Variants in ACACA observed in about 807,000 individuals in gnomAD.
The protein encoded by ACACA is acetyl-CoA carboxylase alpha.
Under a neutral mutation model 296.1 loss-of-function variants are expected in ACACA, and 103 were observed. The ratio of observed to expected loss-of-function variants is 0.35; its 90% CI spans 0.30 to 0.41. The LOEUF (loss-of-function observed/expected upper bound fraction) is 0.41, where lower values mean the gene tolerates loss of function less well. Among genes scored for constraint, ACACA ranks in the 10% least tolerant of loss-of-function variants. The pLI is 1.00. For missense variants in ACACA, 1,554 were observed against 2,989.7 expected (o/e 0.52, Z 11.20); for synonymous variants, 953 against 1,038.6 (o/e 0.92, Z 1.58).
chr17:37,251,515 G>C (rs1474064042), intron 16 of ACACA, among the ~76,000 whole-genome samples: 1 of 152,210 alleles, frequency 6.6e-6, no homozygotes, highest in Non-Finnish European at 1.5e-5. Context: ...CTCAAAGGCA[G>C]AGCTTAGTCT....
chr17:37,388,944 G>C (rs2147788947), intron 1 of ACACA: 1 of 1,104,648 alleles, frequency 9.1e-7, no homozygotes, highest in Non-Finnish European at 1.3e-6. Context: ...TGTTGGGAAA[G>C]TTGCTTGACT....
chr17:37,116,730 A>G (rs2074274147), intron 50 of ACACA, among the ~76,000 whole-genome samples: 1 of 152,208 alleles, frequency 6.6e-6, no homozygotes, highest in African/African-American at 2.4e-5. Context: ...GCCCCAAACC[A>G]CTTATTTTGA....
intron 30 of ACACA, 42 bp downstream of exon 30, chr17:37,210,425 T>C (rs774593282): frequency 1.1e-5 from 17 of 1,578,932 alleles, no homozygotes; most frequent in Non-Finnish European, 1.3e-5. Flanking sequence ...CTAAGTTACA[T>C]AAAGGTGCTT....
chr17:37,248,118 C>G lies in ACACA; in HGVS notation c.2202G>C (p.Met734Ile). 1 of 1,614,190 alleles carries G rather than the reference C, an allele frequency of 6.2e-7. No individual in the cohort carries two copies. Among genetic ancestry groups the G allele is most frequent in the Non-Finnish European group, 8.5e-7 (1 of 1,180,032 alleles). Reference protein sequence around the residue: ...RQSPNSYVVIMNGSCVEVDVH... With the variant: ...RQSPNSYVVIINGSCVEVDVH... ...CATCTACTTCTACACATGAGCCATT[C>G]ATGATCACCACATAGGAGTTGGGGG... The change falls in exon 18 of 56, where the codon ATG becomes ATC. Residue 734 changes from methionine (M) to isoleucine (I), a missense_variant. Transcript: ENST00000616317.
chr17:37,276,907 T>C (rs559432493), intron 7 of ACACA, 126 bp downstream of exon 7: 3 of 839,688 alleles, frequency 3.6e-6, no homozygotes, highest in Admixed American at 1.8e-5. Context: ...TAGTAATAGA[T>C]TGAGGGAAAA....
chr17:37,243,790 A>G (rs960018696), intron 21 of ACACA, among the ~76,000 whole-genome samples: 3 of 152,190 alleles, frequency 2.0e-5, no homozygotes, highest in Non-Finnish European at 4.4e-5. Context: ...AAATCCACAT[A>G]TAAGTGGACC....
In ACACA at chr17:37,323,011, G is replaced by C. The variant is rs146982958; in HGVS notation, c.338+7162C>G. Among the ~76,000 whole-genome samples the C allele has an allele frequency of 4.2e-3, 634 of 152,382 alleles. 6 individuals are homozygous for C. The highest frequency in any genetic ancestry group is 7.2e-3 in the Non-Finnish European group (488 of 68,048). ...GCTGTCACACTGGCCCTCTGCCCTT[G>C]CAATAAGGCAGATGGTCTATTGAGC... is the stretch of plus-strand genomic sequence containing the variant. On this transcript the variant is annotated intron_variant, in intron 3 of 55. Transcript: ENST00000616317.
chr17:37,174,664 C>G (rs1377371863), intron 41 of ACACA, among the ~76,000 whole-genome samples: 1 of 151,952 alleles, frequency 6.6e-6, no homozygotes, highest in Non-Finnish European at 1.5e-5. Context: ...TGCCAAGTAG[C>G]TGGGACTACA....
At chr17:37,368,970 AC>A (rs1159534231) in intron 1 of ACACA, among the ~76,000 whole-genome samples, 12 of 152,208 alleles carry the variant, frequency 7.9e-5, no homozygotes, top group African/African-American at 2.9e-4. Context: ...CTGGATTTAT[AC>A]CCTGGAGAAA....
At chr17:37,253,271 A>C (rs2081076784) in intron 14 of ACACA, among the ~76,000 whole-genome samples, 1 of 152,108 alleles carries the variant, frequency 6.6e-6, no homozygotes, top group South Asian at 2.1e-4. Context: ...GGGCGCCTGT[A>C]GTCCCAGCTA....
At chr17:37,342,150 T>G (rs1011013870) in intron 1 of ACACA, among the ~76,000 whole-genome samples, 1 of 151,908 alleles carries the variant, frequency 6.6e-6, no homozygotes, top group African/African-American at 2.4e-5. Context: ...GGCTCACACC[T>G]GTAATCCCAG....
At chr17:37,093,968 T>A (rs1232181808) in intron 54 of ACACA, among the ~76,000 whole-genome samples, 1 of 152,218 alleles carries the variant, frequency 6.6e-6, no homozygotes, top group Non-Finnish European at 1.5e-5. Context: ...ATTCTCATTG[T>A]TCCATGCAGA....
chr17:37,155,620 A>AAAAAAT, intron 43 of ACACA, 63 bp downstream of exon 43: 1 of 1,153,240 alleles, frequency 8.7e-7, no homozygotes, highest in Admixed American at 1.7e-5. Context: ...ACAATATGGA[A>AAAAAAT]AAAAATACCA....
chr17:37,169,905 C>T (rs997747503), intron 41 of ACACA, among the ~76,000 whole-genome samples: 4 of 152,014 alleles, frequency 2.6e-5, no homozygotes, highest in African/African-American at 9.7e-5. Context: ...CCCTGTAGCC[C>T]GCATGTAAGT....
intron 16 of ACACA, among the ~76,000 whole-genome samples, chr17:37,251,511 G>A (rs917014470): frequency 6.6e-6 from 1 of 152,198 alleles, no homozygotes; most frequent in Non-Finnish European, 1.5e-5. Context: ...GGGACTCAAA[G>A]GCAGAGCTTA....
At chr17:37,199,458 C>G (rs2078150252) in intron 35 of ACACA, among the ~76,000 whole-genome samples, 1 of 152,108 alleles carries the variant, frequency 6.6e-6, no homozygotes, top group Non-Finnish European at 1.5e-5. Flanking sequence ...AGGCTATTAA[C>G]TTAATTCTCT....
At chr17:37,277,200 T>C in intron 6 of ACACA, 86 bp from the exon 7 acceptor site, 1 of 1,195,816 alleles carries the variant, frequency 8.4e-7, no homozygotes, top group South Asian at 1.2e-5. Flanking sequence ...GCTGGCCCTG[T>C]TTCTTGAGGT....
chr17:37,352,649 G>A (rs759435658), intron 1 of ACACA, among the ~76,000 whole-genome samples: 82 of 151,972 alleles, frequency 5.4e-4, no homozygotes, highest in Non-Finnish European at 2.6e-4. Context: ...AGCCTGACAG[G>A]TTGAGGCTGC....
chr17:37,353,546 G>A (rs1221031658), intron 1 of ACACA, among the ~76,000 whole-genome samples: 5 of 145,996 alleles, frequency 3.4e-5, no homozygotes, highest in Non-Finnish European at 5.9e-5. Context: ...GGCTGAGGCA[G>A]GAGAATCACT....
Sources: allele counts gnomAD v4.1 joint callset (sites outside exome capture counted in the v4.1 genomes callset), GRCh38; gene constraint gnomAD v4.1.1; transcripts MANE v1.5; gene names NCBI Gene and HGNC (gene_info 2026-07-23, HGNC 2026-07-21).